The following TRABD2A variants were observed in gnomAD, a reference collection of about 807,000 sequenced individuals.
The protein encoded by TRABD2A is metalloprotease TIKI1.
A neutral mutation model predicts 45.6 loss-of-function variants in TRABD2A; 43 were observed. The observed-to-expected ratio is 0.94, with a 90% CI of 0.74 to 1.22. The LOEUF is 1.22. Among genes scored for constraint, TRABD2A ranks in the 50% most tolerant of loss-of-function variants. The pLI, the probability that TRABD2A is intolerant of heterozygous loss-of-function variation, is 0.00. For synonymous variants in TRABD2A, 269 were observed against 265.0 expected, an observed-to-expected ratio of 1.02 and a Z score of -0.15; for missense variants, 642 against 652.4, an observed-to-expected ratio of 0.98 and a Z score of 0.17.
intron 2 of TRABD2A, among the ~76,000 whole-genome samples, chr2:84,846,576 G>A (rs570168107): frequency 6.6e-6 from 1 of 152,322 alleles, no homozygotes; most frequent in African/African-American, 2.4e-5. Context: ...AGTGGTCGCT[G>A]TATGTCCAAA....
At chr2:84,843,868 C>G (rs78394626) in intron 2 of TRABD2A, 4 of 152,290 alleles carry the variant, frequency 2.6e-5, no homozygotes, top group African/African-American at 9.6e-5. Context: ...ACCACAGCAT[C>G]CCTCCTTCCA....
rs1183035833 is a variant in TRABD2A, at chr2:84,824,192, T to C, written c.1095A>G (p.Lys365=). 1 of 1,613,916 alleles carries C rather than the reference T, an allele frequency of 6.2e-7. No individual in the cohort carries two copies. The highest frequency in any genetic ancestry group is 1.7e-5 in the Admixed American group (1 of 60,000). ...AGRPIHKGKS[K]KTSTRPTLST... ...ACAGAGTGGGCCGTGTGGAGGTCTT[T>C]TTACTCTTCCCTCTGTACGCAAGTG... The change falls in exon 6 of 7, where the codon AAA becomes AAG. Residue 365 remains lysine (K), a synonymous_variant. Transcript: ENST00000409520.
At chr2:84,832,803 TA>T (rs1203458754) in intron 4 of TRABD2A, 33 of 142,016 alleles carry the variant, frequency 2.3e-4, no homozygotes, top group Admixed American at 3.5e-4. Context: ...CTGTCTCAAT[TA>T]AAAAAAAAAG....
chr2:84,832,417 G>C, intron 4 of TRABD2A: 1 of 440,376 alleles, frequency 2.3e-6, no homozygotes, highest in Non-Finnish European at 4.2e-6. Context: ...GGGATAGCCT[G>C]GACATCAAAC....
chr2:84,824,817 TTA>T (rs1681106494), intron 5 of TRABD2A, among the ~76,000 whole-genome samples: 1 of 152,176 alleles, frequency 6.6e-6, no homozygotes, highest in Non-Finnish European at 1.5e-5. Flanking sequence ...CATGAGGGCT[TTA>T]TTCAGGAAGA....
At chr2:84,841,587 G>T (rs1031649300) in intron 3 of TRABD2A, among the ~76,000 whole-genome samples, 4 of 152,180 alleles carry the variant, frequency 2.6e-5, no homozygotes, top group Admixed American at 6.5e-5. Flanking sequence ...CTCAAGGCTG[G>T]TTCATGTGGC....
At position 84,870,614 on chromosome 2, in the gene TRABD2A, A is replaced by G; in HGVS notation, c.280T>C (p.Tyr94His). ...VYFELDLTDP[Y>H]TISALTSCQM... ...CAGCTGGTGAGAGCTGAGATGGTAT[A>G]GGGGTCTGTGAGATCCAACTCAAAG... The change falls in exon 2 of 7, where the codon TAT becomes CAT. Residue 94 changes from tyrosine (Y) to histidine (H), a missense_variant. Coordinates refer to ENST00000409520, the MANE Select transcript of TRABD2A (RefSeq NM_001277053.2). 1 of 1,613,370 alleles carries G rather than the reference A, an allele frequency of 6.2e-7. No homozygotes were observed. The highest frequency in any genetic ancestry group is 8.5e-7 in the Non-Finnish European group (1 of 1,179,648).
Position 84,850,186 on chromosome 2 carries a change from C to T in TRABD2A, c.670-8179G>A, listed in dbSNP as rs553603856. Among the ~76,000 whole-genome samples the T allele has an allele frequency of 2.6e-5, 4 of 152,144 alleles. No homozygotes were observed. The East Asian group carries it at 7.7e-4, about 29-fold the overall frequency. ...TCACTCACTGTCAATCTTTCAACAGCACCTGGGGGAAAAGCACAATCCCCT... is the reference window on the plus strand; with the variant it reads ...TCACTCACTGTCAATCTTTCAACAGTACCTGGGGGAAAAGCACAATCCCCT... On this transcript the variant is annotated intron_variant, in intron 2 of 6. Coordinates refer to ENST00000409520, the MANE Select transcript of TRABD2A (RefSeq NM_001277053.2).
At chr2:84,864,190 T>C (rs554289479) in intron 2 of TRABD2A, among the ~76,000 whole-genome samples, 407 of 152,242 alleles carry the variant, frequency 2.7e-3, no homozygotes, top group Non-Finnish European at 4.3e-3. Flanking sequence ...AATCCAGAGA[T>C]TCATTCCTTG....
intron 2 of TRABD2A, among the ~76,000 whole-genome samples, chr2:84,866,858 G>A (rs1295897489): frequency 6.6e-6 from 1 of 152,186 alleles, no homozygotes; most frequent in Non-Finnish European, 1.5e-5. Flanking sequence ...ACTGAGGCAG[G>A]AAGATCGCTT....
chr2:84,824,111 T>A lies in TRABD2A; in HGVS notation c.1176A>T (p.Val392=). 1 of 1,613,978 alleles carries A rather than the reference T, an allele frequency of 6.2e-7. No homozygotes were observed. The highest frequency in any genetic ancestry group is 8.5e-7 in the Non-Finnish European group (1 of 1,179,848). ...PTLEVPAPEA[V]SSGHSTLPPL... is the part of the protein sequence containing the mutation. ...GAGGCAGCGTTGAGTGCCCTGAGGA[T>A]ACGGCTTCTGGTGCCGGTACTTCCA... is the stretch of plus-strand genomic sequence containing the variant. Residue 392 remains valine (V), a synonymous_variant, in exon 6 of 7, where the codon GTA becomes GTT. Coordinates refer to ENST00000409520, the MANE Select transcript of TRABD2A (RefSeq NM_001277053.2).
chr2:84,866,486 T>G (rs79824444), intron 2 of TRABD2A, among the ~76,000 whole-genome samples: 21,071 of 152,026 alleles, frequency 0.14, 1,883 homozygotes, highest in African/African-American at 0.26. Context: ...TCCTTTAACT[T>G]CTTTGAAAAA....
intron 2 of TRABD2A, chr2:84,849,504 T>C (rs1682012225): frequency 6.6e-6 from 1 of 152,244 alleles, no homozygotes; most frequent in South Asian, 2.1e-4. Flanking sequence ...GAGTAATTGC[T>C]GCATATAAAC....
chr2:84,838,220 G>A, intron 4 of TRABD2A: 1 of 717,594 alleles, frequency 1.4e-6, no homozygotes, highest in Admixed American at 2.0e-5. Flanking sequence ...CAAGGCTCCT[G>A]ATTTTCAAGG....
Position 84,841,979 on chromosome 2 carries a change from A to C in TRABD2A, c.698T>G (p.Leu233Arg). The C allele has an allele frequency of 6.5e-7, 1 of 1,538,302 alleles. No individual in the cohort carries two copies. Among genetic ancestry groups the C allele is most frequent in the Non-Finnish European group, 8.8e-7 (1 of 1,142,112 alleles). Residue 233 changes from leucine (L) to arginine (R), a missense_variant, in exon 3 of 7, where the codon CTG becomes CGG. Leu to Arg is a moderately radical substitution (Grantham distance 102). Transcript: ENST00000409520. ...QVIFALNQTL[L>R]QQESLRAGSL... ...GCCTGCTCGCAGGCTTTCCTGCTGCAGGAGGGTCTGGTTCAAAGCAAAGAT... is the reference window on the plus strand; with the variant it reads ...GCCTGCTCGCAGGCTTTCCTGCTGCCGGAGGGTCTGGTTCAAAGCAAAGAT...
chr2:84,824,128 G>C lies in TRABD2A; in HGVS notation c.1159C>G (p.Pro387Ala). The C allele has an allele frequency of 6.2e-7, 1 of 1,614,004 alleles. No homozygotes were observed. Among genetic ancestry groups the C allele is most frequent in the Non-Finnish European group, 8.5e-7 (1 of 1,179,892 alleles). The change falls in exon 6 of 7, where the codon CCG becomes GCG. Residue 387 changes from proline (P) to alanine (A), a missense_variant. Coordinates refer to ENST00000409520, the MANE Select transcript of TRABD2A (RefSeq NM_001277053.2). ...FAPKVPTLEV[P>A]APEAVSSGHS... is the part of the protein sequence containing the mutation. ...CCTGAGGATACGGCTTCTGGTGCCG[G>C]TACTTCCAGGGTAGGGACTTTTGGA...
In TRABD2A at chr2:84,821,829, CCAA is replaced by C; in HGVS notation, c.*85_*87del. The C allele has an allele frequency of 7.4e-7, 1 of 1,348,838 alleles. No homozygotes were observed. Among genetic ancestry groups the C allele is most frequent in the South Asian group, 1.8e-5 (1 of 54,086 alleles). 83.6% of individuals were successfully genotyped at this position (1,348,838 alleles called of 1,614,324 possible). A position where few individuals can be genotyped will look rare whatever the true frequency, so the allele number is the denominator to read the frequency against. ...AAGAGCAGTCTCTTCTGGATTGGGCCCAACAAGGCTAGACCAGAATGTGGAGTA... is the reference window on the plus strand; with the variant it reads ...AAGAGCAGTCTCTTCTGGATTGGGCCCAAGGCTAGACCAGAATGTGGAGTA... On this transcript the variant is annotated 3_prime_UTR_variant, in exon 7 of 7. Coordinates refer to ENST00000409520, the MANE Select transcript of TRABD2A (RefSeq NM_001277053.2).
intron 5 of TRABD2A, among the ~76,000 whole-genome samples, chr2:84,824,949 G>T (rs1345438008): frequency 6.6e-6 from 1 of 152,134 alleles, no homozygotes; most frequent in Non-Finnish European, 1.5e-5. Flanking sequence ...TCCCCTAAAG[G>T]TGACTATAGT....
intron 2 of TRABD2A, among the ~76,000 whole-genome samples, chr2:84,848,014 G>A (rs1041895262): frequency 6.6e-6 from 1 of 152,118 alleles, no homozygotes; most frequent in Non-Finnish European, 1.5e-5. Context: ...TATAAGAACA[G>A]TCATTTTTGA....
Sources: gnomAD v4.1 joint callset for allele counts (sites outside exome capture counted in the v4.1 genomes callset) on GRCh38, gnomAD v4.1.1 for gene constraint, MANE v1.5 for transcripts, NCBI Gene and HGNC (gene_info 2026-07-23, HGNC 2026-07-21) for gene names.